Variants in LINGO2 observed in about 807,000 individuals in gnomAD.
LINGO2 encodes the protein leucine-rich repeat and immunoglobulin-like domain-containing nogo receptor-interacting protein 2.
A neutral mutation model predicts 30.6 loss-of-function variants in LINGO2; 14 were observed. The ratio of observed to expected loss-of-function variants is 0.46; its 90% CI spans 0.30 to 0.72. LINGO2 has a LOEUF of 0.72. LINGO2 is among the 30% of genes least tolerant of loss of function. The pLI is 0.07. For synonymous variants in LINGO2, 317 were observed against 288.5 expected (o/e 1.10, Z -1.00); for missense variants, 729 against 751.7 (o/e 0.97, Z 0.35).
chr9:28,847,331 T>C, the LINGO2 span, among the ~76,000 whole-genome samples: 23,545 of 147,912 alleles, frequency 0.16, 3,448 homozygotes, highest in East Asian at 0.36. Context: ...CTCTCTGCCA[T>C]AGAAATATGC....
chr9:28,821,223 C>T, the LINGO2 span, among the ~76,000 whole-genome samples: 436 of 152,286 alleles, frequency 2.9e-3, 2 homozygotes, highest in Middle Eastern at 6.8e-3. Flanking sequence ...GAGGGTCCTC[C>T]GGTTATATTT....
At chr9:28,816,255 C>G in the LINGO2 span, among the ~76,000 whole-genome samples, 1 of 152,188 alleles carries the variant, frequency 6.6e-6, no homozygotes, top group Non-Finnish European at 1.5e-5. Context: ...TTGGGGGACA[C>G]ATTTAAACCA....
At chr9:27,938,431 G>C in the LINGO2 span, 1 of 152,178 alleles carries the variant, frequency 6.6e-6, no homozygotes, top group Non-Finnish European at 1.5e-5. Flanking sequence ...CAGCACCCTT[G>C]TGAGGTAGGT....
chr9:28,936,920 T>G, the LINGO2 span, among the ~76,000 whole-genome samples: 1 of 152,196 alleles, frequency 6.6e-6, no homozygotes, highest in Non-Finnish European at 1.5e-5. Context: ...AGGCCTCTAC[T>G]GGCTTTCAGA....
the LINGO2 span, among the ~76,000 whole-genome samples, chr9:29,189,608 G>C: frequency 6.6e-6 from 1 of 152,022 alleles, no homozygotes; most frequent in African/African-American, 2.4e-5. Context: ...CTTCCCAGAC[G>C]GGGTGGCGGC....
At chr9:29,203,615 T>A in the LINGO2 span, among the ~76,000 whole-genome samples, 1,365 of 152,334 alleles carry the variant, frequency 9.0e-3, 11 homozygotes, top group African/African-American at 0.031. Context: ...TATGTGACTT[T>A]GTTGAAGATG....
Position 28,144,584 on chromosome 9 carries a change from A to T in LINGO2, c.-86-132179T>A, listed in dbSNP as rs16912531. Reference sequence around the variant, plus strand: ...TTTTGGTCTTTGGAAAATAACTGGTATACTTGATCTCCTGGAGTGTATTTT... The same window carrying T: ...TTTTGGTCTTTGGAAAATAACTGGTTTACTTGATCTCCTGGAGTGTATTTT... On this transcript the variant is annotated intron_variant, in intron 4 of 5. Coordinates refer to ENST00000379992, the Ensembl canonical transcript of LINGO2. Among the ~76,000 whole-genome samples, 939 of 152,330 alleles carry T rather than the reference A, an allele frequency of 6.2e-3. 9 individuals are homozygous for T. The highest frequency in any genetic ancestry group is 0.021 in the African/African-American group (870 of 41,584).
intron 3 of LINGO2, among the ~76,000 whole-genome samples, chr9:28,306,718 T>C (rs1027149198): frequency 1.3e-5 from 2 of 151,946 alleles, no homozygotes; most frequent in Non-Finnish European, 2.9e-5. Flanking sequence ...AAGAATCAAA[T>C]AGACGCAATA....
At chr9:29,151,599 G>C in the LINGO2 span, among the ~76,000 whole-genome samples, 2 of 151,570 alleles carry the variant, frequency 1.3e-5, no homozygotes, top group African/African-American at 2.4e-5. Flanking sequence ...AAGAGCAGGA[G>C]TTACTATTCT....
intron 4 of LINGO2, among the ~76,000 whole-genome samples, chr9:28,258,944 A>C (rs1822473425): frequency 6.6e-6 from 1 of 151,812 alleles, no homozygotes; most frequent in African/African-American, 2.4e-5. Flanking sequence ...ATTAAGTTTC[A>C]AGGCAAGAAA....
intron 1 of LINGO2, among the ~76,000 whole-genome samples, chr9:28,618,565 T>G (rs1563868262): frequency 6.6e-6 from 1 of 152,162 alleles, no homozygotes; most frequent in Non-Finnish European, 1.5e-5. Context: ...ATTAAACATT[T>G]AAATCCCTCC....
chr9:28,797,359 T>TATATATATAGAGAGAGAGAGAGAG, the LINGO2 span, among the ~76,000 whole-genome samples: 1 of 34,206 alleles, frequency 2.9e-5, no homozygotes, highest in Non-Finnish European at 5.4e-5. Flanking sequence ...TATATATATA[T>TATATATATAGAGAGAGAGAGAGAG]AGAGAGAGAG....
chr9:28,956,445 C>T, the LINGO2 span, among the ~76,000 whole-genome samples: 22 of 152,134 alleles, frequency 1.4e-4, no homozygotes, highest in Admixed American at 1.2e-3. Context: ...TGAAGTGGCA[C>T]TGTTTCTTTA....
At chr9:28,142,157 C>CTTTTTTT (rs3064726) in intron 4 of LINGO2, among the ~76,000 whole-genome samples, 2 of 135,974 alleles carry the variant, frequency 1.5e-5, no homozygotes, top group African/African-American at 2.7e-5. Flanking sequence ...CTTTCTTTGT[C>CTTTTTTT]TTTTTTTTTT....
intron 5 of LINGO2, among the ~76,000 whole-genome samples, chr9:28,002,010 C>G (rs975401412): frequency 6.6e-6 from 1 of 152,150 alleles, no homozygotes; most frequent in Non-Finnish European, 1.5e-5. Context: ...AAAAGCTGCC[C>G]TATGGCAAAA....
chr9:28,148,394 T>C lies in LINGO2; in HGVS notation c.-86-135989A>G. The C allele has an allele frequency of 4.9e-6, 6 of 1,236,546 alleles. No homozygotes were observed. The highest frequency in any genetic ancestry group is 6.9e-6 in the Non-Finnish European group (6 of 874,268). 76.6% of individuals were successfully genotyped at this position (1,236,546 alleles called of 1,614,324 possible). A position where few individuals can be genotyped will look rare whatever the true frequency, so the allele number is the denominator to read the frequency against. On this transcript the variant is annotated intron_variant, in intron 4 of 5. Transcript: ENST00000379992. The surrounding 1 kb of genome is among the most constrained non-coding windows in gnomAD (Gnocchi z 5.1). ...CAAGTTTAACCTTCAACTTCCTTCATTAGATGAGCAGGTGATCCCAGCCAG... is the reference window on the plus strand; with the variant it reads ...CAAGTTTAACCTTCAACTTCCTTCACTAGATGAGCAGGTGATCCCAGCCAG...
chr9:29,203,224 TTTAG>T, the LINGO2 span, among the ~76,000 whole-genome samples: 1 of 152,052 alleles, frequency 6.6e-6, no homozygotes, highest in Non-Finnish European at 1.5e-5. Context: ...ATCAATCTAC[TTTAG>T]TTAGATAGAA....
At chr9:28,347,615 A>G (rs1819642367) in intron 3 of LINGO2, among the ~76,000 whole-genome samples, 1 of 152,196 alleles carries the variant, frequency 6.6e-6, no homozygotes, top group Admixed American at 6.5e-5. Context: ...GTGCAGTCCA[A>G]TGCACAATTT....
intron 1 of LINGO2, among the ~76,000 whole-genome samples, chr9:28,553,341 C>T (rs1053833445): frequency 1.2e-4 from 18 of 151,856 alleles, no homozygotes; most frequent in African/African-American, 3.4e-4. Flanking sequence ...TCGAGAACTA[C>T]GTGAAGAATG....
Sources: allele counts gnomAD v4.1 joint callset (sites outside exome capture counted in the v4.1 genomes callset), GRCh38; gene constraint gnomAD v4.1.1; non-coding constraint Gnocchi (gnomAD v3.1); transcripts MANE v1.5; gene names NCBI Gene and HGNC (gene_info 2026-07-23, HGNC 2026-07-21).